Variants in PLEKHF2 observed in about 807,000 individuals in gnomAD.
The protein encoded by PLEKHF2 is pleckstrin homology domain-containing family F member 2.
PLEKHF2 carries 4 observed loss-of-function variants against 14.7 expected under a neutral mutation model. The observed-to-expected ratio is 0.27, with a 90% CI of 0.13 to 0.62. The LOEUF (loss-of-function observed/expected upper bound fraction) is 0.62, where lower values mean the gene tolerates loss of function less well. Among genes scored for constraint, PLEKHF2 ranks in the 20% least tolerant of loss-of-function variants. The pLI is 0.85. For missense variants in PLEKHF2, 201 were observed against 307.7 expected, an observed-to-expected ratio of 0.65 and a Z score of 2.60; for synonymous variants, 90 against 103.5, an observed-to-expected ratio of 0.87 and a Z score of 0.79.
At position 95,154,902 on chromosome 8, in the gene PLEKHF2, C is replaced by A; in HGVS notation, c.*108C>A. 1 of 1,388,744 alleles carries A rather than the reference C, an allele frequency of 7.2e-7. No homozygotes were observed. The highest frequency in any genetic ancestry group is 9.8e-7 in the Non-Finnish European group (1 of 1,018,504). The allele number at this position is 1,388,744 out of a possible 1,614,324, so 86.0% of individuals were successfully genotyped here. On this transcript the variant is annotated 3_prime_UTR_variant, in exon 2 of 2. Transcript: ENST00000315367. The surrounding 1 kb of genome is among the most constrained non-coding windows in gnomAD (Gnocchi z 5.6). ...CTGTTTTGTTCTAGCCATGAATTTG[C>A]CTGAGAAACTTGTAACCTATGTGCC...
intron 1 of PLEKHF2, among the ~76,000 whole-genome samples, chr8:95,139,380 G>A (rs1297074338): frequency 6.6e-6 from 1 of 152,142 alleles, no homozygotes; most frequent in Non-Finnish European, 1.5e-5. Context: ...AGGGTGGCAT[G>A]CCTATAGTCC....
intron 1 of PLEKHF2, among the ~76,000 whole-genome samples, chr8:95,140,658 T>C (rs183199958): frequency 2.4e-4 from 37 of 152,314 alleles, no homozygotes; most frequent in African/African-American, 8.4e-4. Context: ...AAACCCCAGA[T>C]AGTTTGAGCT....
intron 1 of PLEKHF2, among the ~76,000 whole-genome samples, chr8:95,140,789 GT>G (rs34384137): frequency 6.6e-6 from 1 of 151,698 alleles, no homozygotes; most frequent in Non-Finnish European, 1.5e-5. Context: ...CTTTACCACT[GT>G]TTTTTTTGTT....
intron 1 of PLEKHF2, among the ~76,000 whole-genome samples, chr8:95,142,574 A>C (rs572411062): frequency 6.6e-6 from 1 of 152,176 alleles, no homozygotes; most frequent in African/African-American, 2.4e-5. Flanking sequence ...ATATTATCCA[A>C]TGCTTTCTTT....
chr8:95,144,026 A>AT (rs113032180), intron 1 of PLEKHF2, among the ~76,000 whole-genome samples: 311 of 149,508 alleles, frequency 2.1e-3, no homozygotes, highest in African/African-American at 7.0e-3. Context: ...TGTGTGTGTG[A>AT]TTTTTTTTTT....
intron 1 of PLEKHF2, among the ~76,000 whole-genome samples, chr8:95,136,430 TG>T (rs371986272): frequency 2.0e-5 from 3 of 152,084 alleles, no homozygotes; most frequent in African/African-American, 7.2e-5. Flanking sequence ...AATTTTCGCC[TG>T]GGGGTACAGA....
chr8:95,142,194 C>G (rs1412979997), intron 1 of PLEKHF2, among the ~76,000 whole-genome samples: 1 of 152,152 alleles, frequency 6.6e-6, no homozygotes, highest in Non-Finnish European at 1.5e-5. Context: ...CACAGGATAA[C>G]TAATTCCTCA....
intron 1 of PLEKHF2, among the ~76,000 whole-genome samples, chr8:95,151,797 ATAATG>A (rs1810568045): frequency 6.6e-6 from 1 of 152,114 alleles, no homozygotes; most frequent in Non-Finnish European, 1.5e-5. Context: ...ATGCTTGAAT[ATAATG>A]TAAAGTATGA....
chr8:95,153,633 C>T (rs997908700), intron 1 of PLEKHF2, among the ~76,000 whole-genome samples: 1 of 152,128 alleles, frequency 6.6e-6, no homozygotes, highest in Non-Finnish European at 1.5e-5. Flanking sequence ...AAATTGTAGT[C>T]ATTTTTCTTA....
At chr8:95,137,995 A>G (rs1361939133) in intron 1 of PLEKHF2, among the ~76,000 whole-genome samples, 1 of 151,420 alleles carries the variant, frequency 6.6e-6, no homozygotes, top group African/African-American at 2.4e-5. Context: ...TCAACCTTGA[A>G]CTCTGTAGTT....
chr8:95,137,858 C>G lies in PLEKHF2; in HGVS notation c.-15+3828C>G, dbSNP rs144391659. Among the ~76,000 whole-genome samples the G allele has an allele frequency of 3.2e-3, 494 of 152,356 alleles. 2 individuals are homozygous for G. Among genetic ancestry groups the G allele is most frequent in the African/African-American group, 0.011 (466 of 41,574 alleles). On this transcript the variant is annotated intron_variant, in intron 1 of 1. Coordinates refer to ENST00000315367, the MANE Select transcript of PLEKHF2 (RefSeq NM_024613.4). Reference sequence around the variant, plus strand: ...AACCACTCTACCTCAGGTCTTAAACCCTGTGGCCAGATGGCGATGCAAGGG... The same window carrying G: ...AACCACTCTACCTCAGGTCTTAAACGCTGTGGCCAGATGGCGATGCAAGGG...
chr8:95,141,486 A>G (rs1393861358), intron 1 of PLEKHF2, among the ~76,000 whole-genome samples: 1 of 152,122 alleles, frequency 6.6e-6, no homozygotes, highest in African/African-American at 2.4e-5. Context: ...TTTTCCCACT[A>G]AATAACTCCC....
chr8:95,146,990 C>T (rs766281688), intron 1 of PLEKHF2, among the ~76,000 whole-genome samples: 1 of 151,878 alleles, frequency 6.6e-6, no homozygotes, highest in Non-Finnish European at 1.5e-5. Flanking sequence ...AATCTGGGAG[C>T]CTATTTAAAA....
At chr8:95,134,745 A>G (rs1165924151) in intron 1 of PLEKHF2, among the ~76,000 whole-genome samples, 1 of 152,100 alleles carries the variant, frequency 6.6e-6, no homozygotes, top group African/African-American at 2.4e-5. Context: ...TGTGCGGTGG[A>G]AGTGGGTATG....
intron 1 of PLEKHF2, among the ~76,000 whole-genome samples, chr8:95,146,811 TA>T (rs1039578051): frequency 1.0e-3 from 147 of 144,378 alleles, no homozygotes; most frequent in Non-Finnish European, 1.5e-3. Context: ...GAAGACAACG[TA>T]AAAAAAAAAA....
chr8:95,135,547 C>G lies in PLEKHF2; in HGVS notation c.-15+1517C>G, dbSNP rs724325. The stretch of plus-strand genomic sequence containing the variant: ...TCCTGAGTAGTTAGGACTACAGGAG[C>G]GCATCACCACACCTGGCTAATTTTT... On this transcript the variant is annotated intron_variant, in intron 1 of 1. Transcript: ENST00000315367. Among the ~76,000 whole-genome samples the G allele has an allele frequency of 1.8e-3, 274 of 152,216 alleles. 2 individuals are homozygous for G. The highest frequency in any genetic ancestry group is 0.018 in the East Asian group (92 of 5,180).
rs1033063421 is a variant in PLEKHF2 at position 95,154,762 on chromosome 8, G to T, written c.718G>T (p.Asp240Tyr). ...GAAGTCTCCTTTAAATGATATGTCT[G>T]ATGATGATGACGATGATGATAGCAG... ...SLKSPLNDMS[D>Y]DDDDDDSSD Residue 240 changes from aspartate (D) to tyrosine (Y), a missense_variant, in exon 2 of 2, where the codon GAT becomes TAT. Physicochemically the swap from Asp to Tyr is radical, Grantham distance 160. Coordinates refer to ENST00000315367, the MANE Select transcript of PLEKHF2 (RefSeq NM_024613.4). This position sits in a 1 kb window ranked among gnomAD's most constrained non-coding sequence, Gnocchi z 5.6. The T allele has an allele frequency of 3.1e-6, 5 of 1,613,914 alleles. No homozygotes were observed. The highest frequency in any genetic ancestry group is 1.3e-5 in the African/African-American group (1 of 74,930).
chr8:95,156,286 T>C lies in PLEKHF2; in HGVS notation c.*1492T>C, dbSNP rs1233524408. 5 of 167,014 alleles carry C rather than the reference T, an allele frequency of 3.0e-5. No individual in the cohort carries two copies. The highest frequency in any genetic ancestry group is 7.3e-5 in the Non-Finnish European group (5 of 68,092). 10.3% of individuals were successfully genotyped at this position (167,014 alleles called of 1,614,324 possible). ...AAATGTCATGAGAAGTTTGATTCAG[T>C]AACTTGTGATGGAGGATTCTTTGGT... On this transcript the variant is annotated 3_prime_UTR_variant, in exon 2 of 2. Coordinates refer to ENST00000315367, the MANE Select transcript of PLEKHF2 (RefSeq NM_024613.4).
chr8:95,141,815 C>T (rs548982301), intron 1 of PLEKHF2, among the ~76,000 whole-genome samples: 2 of 151,736 alleles, frequency 1.3e-5, no homozygotes, highest in East Asian at 1.9e-4. Flanking sequence ...GTTGGGGTTA[C>T]AGGCTTGAGC....
Sources: gnomAD v4.1 joint callset for allele counts (sites outside exome capture counted in the v4.1 genomes callset) on GRCh38, gnomAD v4.1.1 for gene constraint, Gnocchi (gnomAD v3.1) non-coding constraint, MANE v1.5 for transcripts, NCBI Gene and HGNC (gene_info 2026-07-23, HGNC 2026-07-21) for gene names.